ACSM5: variants seen among roughly 807,000 people sequenced by gnomAD.
ACSM5 encodes acyl-CoA synthetase medium chain family member 5.
Under a neutral mutation model 71.6 loss-of-function variants are expected in ACSM5, and 56 were observed. That is an observed-to-expected ratio of 0.78 (90% CI 0.63 to 0.98). ACSM5 has a LOEUF of 0.98. Among genes scored for constraint, ACSM5 ranks in the 50% least tolerant of loss-of-function variants. The pLI, the probability that ACSM5 is intolerant of heterozygous loss-of-function variation, is 0.00. For synonymous variants in ACSM5, 285 were observed against 281.5 expected, an observed-to-expected ratio of 1.01 and a Z score of -0.12; for missense variants, 723 against 726.0, an observed-to-expected ratio of 1.00 and a Z score of 0.05.
chr16:20,428,562 G>C lies in ACSM5; in HGVS notation c.1001+695G>C, dbSNP rs553743583. On this transcript the variant is annotated intron_variant, in intron 7 of 13. Coordinates refer to ENST00000331849, the MANE Select transcript of ACSM5 (RefSeq NM_017888.3). ...CCTGTTCTCCCTCTTTTGTCCTCCC[G>C]TAAGTCATGAGGAGTCGTCCTCTCA... Among the ~76,000 whole-genome samples the C allele has an allele frequency of 4.6e-5, 7 of 152,244 alleles. No homozygotes were observed. In the South Asian group the frequency reaches 1.2e-3, roughly 27 times the overall value.
Position 20,427,835 on chromosome 16 carries a change from C to G in ACSM5, c.969C>G (p.Ile323Met). 7 of 1,614,066 alleles carry G rather than the reference C, an allele frequency of 4.3e-6. No homozygotes were observed. The highest frequency in any genetic ancestry group is 5.9e-6 in the Non-Finnish European group (7 of 1,179,952). The change falls in exon 7 of 14, where the codon ATC becomes ATG. Residue 323 changes from isoleucine (I) to methionine (M), a missense_variant. Physicochemically the swap from Ile to Met is conservative, Grantham distance 10. Transcript: ENST00000331849. ...CCACCCTCTGCTGTGTCCCAACCAT[C>G]TTTCGGCTGCTTGTGCAGGAGGATC... ...PITTLCCVPTIFRLLVQEDLT... is the reference protein window; with the variant it reads ...PITTLCCVPTMFRLLVQEDLT...
chr16:20,436,495 C>T (rs1034789784), intron 10 of ACSM5, among the ~76,000 whole-genome samples: 6 of 152,096 alleles, frequency 3.9e-5, no homozygotes, highest in Admixed American at 2.0e-4. Context: ...CTCAGCCTCC[C>T]GAGTAGCTGG....
chr16:20,428,109 A>C (rs1334662431), intron 7 of ACSM5, among the ~76,000 whole-genome samples: 1 of 152,144 alleles, frequency 6.6e-6, no homozygotes, highest in African/African-American at 2.4e-5. Flanking sequence ...TGGCCCCCCA[A>C]AATTTGCATC....
At chr16:20,422,467 A>G (rs1336332795) in intron 5 of ACSM5, among the ~76,000 whole-genome samples, 1 of 152,130 alleles carries the variant, frequency 6.6e-6, no homozygotes, top group East Asian at 1.9e-4. Flanking sequence ...TAGCTTCCAC[A>G]TTTTGGCTAT....
chr16:20,426,485 C>T (rs1357564733), intron 6 of ACSM5, among the ~76,000 whole-genome samples: 1 of 152,056 alleles, frequency 6.6e-6, no homozygotes, highest in Non-Finnish European at 1.5e-5. Context: ...TTAACAATAA[C>T]TAAAAGGTGA....
rs754529922 is a variant in ACSM5, at chr16:20,431,313, T to C, written c.1300T>C (p.Cys434Arg). 2.5e-6 allele frequency: 4 copies of C among 1,613,692 alleles called. No homozygotes were observed. The highest frequency in any genetic ancestry group is 1.7e-5 in the Admixed American group (1 of 60,016). The change falls in exon 10 of 14, where the codon TGC becomes CGC. Residue 434 changes from cysteine to arginine, a missense_variant. Cys to Arg is a radical substitution (Grantham distance 180). Transcript: ENST00000331849. ...CACTCGGCCCTTCTGTTTCTTCAAT[T>C]GCTATTTGGTAAGAGACGGGGAACA... ...RPTRPFCFFNCYLDNPEKTAA... is the reference protein window; with the variant it reads ...RPTRPFCFFNRYLDNPEKTAA...
chr16:20,411,777 A>T (rs1476551511), intron 2 of ACSM5, 89 bp downstream of exon 2: 2 of 1,401,128 alleles, frequency 1.4e-6, no homozygotes, highest in Admixed American at 1.9e-5. Context: ...AAGCATGTTG[A>T]TGAGGAAATT....
intron 10 of ACSM5, among the ~76,000 whole-genome samples, chr16:20,436,487 C>G (rs1001490360): frequency 6.6e-6 from 1 of 152,140 alleles, no homozygotes; most frequent in Non-Finnish European, 1.5e-5. Flanking sequence ...TCGCCTGCCT[C>G]AGCCTCCCGA....
intron 2 of ACSM5, among the ~76,000 whole-genome samples, chr16:20,417,592 T>C (rs1036667264): frequency 4.6e-5 from 7 of 152,208 alleles, no homozygotes; most frequent in African/African-American, 1.7e-4. Context: ...AATGTTTCTT[T>C]TTAGGGCAAT....
intron 7 of ACSM5, among the ~76,000 whole-genome samples, chr16:20,428,908 A>G (rs1007559945): frequency 6.6e-6 from 1 of 152,176 alleles, no homozygotes; most frequent in Non-Finnish European, 1.5e-5. Flanking sequence ...GGCATTTTGC[A>G]ACATAATTAA....
chr16:20,411,380 C>G, intron 1 of ACSM5, 90 bp from the exon 2 acceptor site: 1 of 989,524 alleles, frequency 1.0e-6, no homozygotes, highest in Non-Finnish European at 1.5e-6. Context: ...CAGTCACCAT[C>G]AGCACTAACC....
At position 20,441,146 on chromosome 16, in the gene ACSM5, A is replaced by G. The variant is rs1967325638; in HGVS notation, c.*719A>G. On this transcript the variant is annotated 3_prime_UTR_variant, in exon 14 of 14. Transcript: ENST00000331849. ...CAGAGCAAAAATATTCATACTGGAG[A>G]ATCCCAACTCTGAAAAATAAAGGGA... 6.6e-6 allele frequency: 1 copy of G among 152,208 alleles called. No individual in the cohort carries two copies. The highest frequency in any genetic ancestry group is 6.5e-5 in the Admixed American group (1 of 15,274). 9.4% of individuals were successfully genotyped at this position (152,208 alleles called of 1,614,324 possible). A position where few individuals can be genotyped will look rare whatever the true frequency, so the allele number is the denominator to read the frequency against.
chr16:20,420,215 C>A (rs536121650), intron 4 of ACSM5, among the ~76,000 whole-genome samples: 2 of 152,192 alleles, frequency 1.3e-5, no homozygotes, highest in Non-Finnish European at 2.9e-5. Flanking sequence ...ATTCACCTGG[C>A]TGCTGTTTTG....
At chr16:20,426,551 G>A (rs1403283011) in intron 6 of ACSM5, among the ~76,000 whole-genome samples, 1 of 152,170 alleles carries the variant, frequency 6.6e-6, no homozygotes, top group Non-Finnish European at 1.5e-5. Context: ...TGGTGTATAT[G>A]TACAATGGAA....
chr16:20,427,915 A>G (rs566965339), intron 7 of ACSM5, 48 bp downstream of exon 7: 3 of 1,311,048 alleles, frequency 2.3e-6, no homozygotes, highest in East Asian at 2.3e-5. Context: ...ATGTGAATAT[A>G]TAGCATGGGT....
intron 5 of ACSM5, among the ~76,000 whole-genome samples, chr16:20,423,559 T>A (rs980129522): frequency 6.6e-6 from 1 of 152,232 alleles, no homozygotes; most frequent in Non-Finnish European, 1.5e-5. Context: ...AAAGCAAGAC[T>A]AATCGTTCAT....
rs1966847456 is a variant in ACSM5 at position 20,411,481 on chromosome 16, C to T, written c.-4C>T. 6.2e-7 allele frequency: 1 copy of T among 1,613,722 alleles called. No individual in the cohort carries two copies. ...CTCTTTGGTGACAGACAGGAGGCGACTGCATGAGACCATGGCTGAGACACC... is the reference window on the plus strand; with the variant it reads ...CTCTTTGGTGACAGACAGGAGGCGATTGCATGAGACCATGGCTGAGACACC... On this transcript the variant is annotated 5_prime_UTR_variant, in exon 2 of 14. Transcript: ENST00000331849.
At chr16:20,434,007 G>A (rs962484740) in intron 10 of ACSM5, among the ~76,000 whole-genome samples, 8 of 151,948 alleles carry the variant, frequency 5.3e-5, no homozygotes, top group East Asian at 1.9e-4. Context: ...TCTTGATATC[G>A]GTCCTTTGTT....
chr16:20,440,146 C>G, intron 13 of ACSM5, 198 bp from the exon 14 acceptor site: 1 of 670,556 alleles, frequency 1.5e-6, no homozygotes, highest in Non-Finnish European at 2.6e-6. Context: ...AAATCAGATA[C>G]AAGAGGTAGT....
Sources: gnomAD v4.1 joint callset for allele counts (sites outside exome capture counted in the v4.1 genomes callset) on GRCh38, gnomAD v4.1.1 for gene constraint, MANE v1.5 for transcripts, NCBI Gene and HGNC (gene_info 2026-07-23, HGNC 2026-07-21) for gene names.